The following KCNH5 variants were observed in gnomAD, a reference collection of about 807,000 sequenced individuals.
KCNH5 encodes potassium voltage-gated channel subfamily H member 5.
Under a neutral mutation model 96.1 loss-of-function variants are expected in KCNH5, and 46 were observed. That is an observed-to-expected ratio of 0.48 (90% CI 0.38 to 0.61). The LOEUF (loss-of-function observed/expected upper bound fraction) is 0.61, where lower values mean the gene tolerates loss of function less well. Ranked by LOEUF, KCNH5 falls within the 20% of genes least tolerant of loss-of-function variation. The pLI, the probability that KCNH5 is intolerant of heterozygous loss-of-function variation, is 0.00. For synonymous variants in KCNH5, 439 were observed against 449.8 expected (o/e 0.98, Z 0.30); for missense variants, 907 against 1,225.8 (o/e 0.74, Z 3.88).
intron 7 of KCNH5, among the ~76,000 whole-genome samples, chr14:62,850,669 T>C (rs576194385): frequency 6.6e-6 from 1 of 152,262 alleles, no homozygotes; most frequent in East Asian, 1.9e-4. Context: ...AGGCTATTAA[T>C]GCTGACAGGA....
chr14:62,853,734 G>C (rs1269699431), intron 7 of KCNH5, among the ~76,000 whole-genome samples: 1 of 151,584 alleles, frequency 6.6e-6, no homozygotes, highest in Non-Finnish European at 1.5e-5. Flanking sequence ...CATCGGCTGG[G>C]TGCAGTGGCT....
At position 63,004,993 on chromosome 14, in the gene KCNH5, C is replaced by T. The variant is rs550307957; in HGVS notation, c.304+1373G>A. Among the ~76,000 whole-genome samples, 3 of 152,286 alleles carry T rather than the reference C, an allele frequency of 2.0e-5. No homozygotes were observed. The South Asian group carries it at 6.2e-4, about 32-fold the overall frequency. On this transcript the variant is annotated intron_variant, in intron 3 of 10. Transcript: ENST00000322893. ...CATATCTAAATTATTGAAGGCTTAACAAACCATAGGAAAATGAAGGATTTT... is the reference window on the plus strand; with the variant it reads ...CATATCTAAATTATTGAAGGCTTAATAAACCATAGGAAAATGAAGGATTTT...
intron 7 of KCNH5, among the ~76,000 whole-genome samples, chr14:62,945,302 C>G (rs1234931844): frequency 6.6e-6 from 1 of 152,012 alleles, no homozygotes; most frequent in African/African-American, 2.4e-5. Flanking sequence ...GACTACACCC[C>G]CAAAGGAAGA....
At chr14:62,744,474 C>A (rs1885334878) in intron 10 of KCNH5, among the ~76,000 whole-genome samples, 1 of 152,218 alleles carries the variant, frequency 6.6e-6, no homozygotes, top group Non-Finnish European at 1.5e-5. Flanking sequence ...TTAAGAGTTA[C>A]TTCCATCATA....
intron 7 of KCNH5, among the ~76,000 whole-genome samples, chr14:62,918,504 T>C (rs17100522): frequency 0.052 from 7,931 of 152,192 alleles, 679 homozygotes; most frequent in African/African-American, 0.18. Context: ...ATCGCTAATA[T>C]GTTTTTTAAA....
At chr14:62,910,662 T>G (rs1889131193) in intron 7 of KCNH5, among the ~76,000 whole-genome samples, 2 of 152,250 alleles carry the variant, frequency 1.3e-5, no homozygotes, top group Admixed American at 1.3e-4. Context: ...ATTCAAGATC[T>G]TTATGGAGAA....
chr14:63,013,704 C>G (rs1891271699), intron 2 of KCNH5, among the ~76,000 whole-genome samples: 1 of 151,848 alleles, frequency 6.6e-6, no homozygotes, highest in Admixed American at 6.6e-5. Context: ...TTATAAACTG[C>G]TTGGGGGGTG....
At position 63,006,469 on chromosome 14, in the gene KCNH5, A is replaced by G; in HGVS notation, c.201T>C (p.Phe67=). ...TCTTGTCAGTCAATTCCCCATACAT[A>G]AAACTGGGGGGGAAAAAAAACAAAC... is the stretch of plus-strand genomic sequence containing the variant. The part of the protein sequence containing the change: ...DVMQKSSTCS[F]MYGELTDKKT... Residue 67 remains phenylalanine, a synonymous_variant, in exon 3 of 11, where the codon TTT becomes TTC. Coordinates refer to ENST00000322893, the MANE Select transcript of KCNH5 (RefSeq NM_139318.5). 1 of 1,583,600 alleles carries G rather than the reference A, an allele frequency of 6.3e-7. No individual in the cohort carries two copies. Among genetic ancestry groups the G allele is most frequent in the Non-Finnish European group, 8.7e-7 (1 of 1,155,898 alleles).
intron 8 of KCNH5, among the ~76,000 whole-genome samples, chr14:62,814,539 G>A (rs1886934887): frequency 6.6e-6 from 1 of 151,976 alleles, no homozygotes. Flanking sequence ...CCCATGACAA[G>A]TGATGTTCCC....
At chr14:62,926,970 A>G (rs534870265) in intron 7 of KCNH5, among the ~76,000 whole-genome samples, 1 of 152,250 alleles carries the variant, frequency 6.6e-6, no homozygotes, top group Admixed American at 6.5e-5. Context: ...TAACGAGCAG[A>G]ATGTGGATTA....
chr14:62,815,070 C>T (rs35867650), intron 8 of KCNH5, among the ~76,000 whole-genome samples: 47,717 of 151,902 alleles, frequency 0.31, 8,544 homozygotes, highest in South Asian at 0.55. Context: ...TACATTGTGG[C>T]ACAGTCACAT....
chr14:62,995,209 T>C (rs1381067039), intron 4 of KCNH5, among the ~76,000 whole-genome samples: 1 of 152,084 alleles, frequency 6.6e-6, no homozygotes, highest in Non-Finnish European at 1.5e-5. Context: ...CCAGTCAATT[T>C]TGGCAAATCC....
intron 10 of KCNH5, among the ~76,000 whole-genome samples, chr14:62,740,905 C>G (rs904625969): frequency 2.0e-5 from 3 of 152,282 alleles, no homozygotes; most frequent in Middle Eastern, 3.4e-3. Context: ...AAGCTTCTAA[C>G]AGTTTCATTT....
intron 8 of KCNH5, among the ~76,000 whole-genome samples, chr14:62,841,820 C>T (rs1887591131): frequency 6.6e-6 from 1 of 152,352 alleles, no homozygotes; most frequent in East Asian, 1.9e-4. Context: ...AACTCCAATA[C>T]AGATGTGAAC....
chr14:62,882,687 G>A (rs567274450), intron 7 of KCNH5, among the ~76,000 whole-genome samples: 1 of 152,216 alleles, frequency 6.6e-6, no homozygotes, highest in African/African-American at 2.4e-5. Flanking sequence ...CTTTTTTAAT[G>A]TAGTTTACTA....
intron 5 of KCNH5, among the ~76,000 whole-genome samples, chr14:62,986,716 C>A (rs1024988263): frequency 6.6e-6 from 1 of 152,116 alleles, no homozygotes; most frequent in African/African-American, 2.4e-5. Flanking sequence ...GATGACAGGG[C>A]CCATTTCTTA....
At position 62,705,616 on chromosome 14, in the gene KCNH5, G is replaced by C. The variant is rs1884415213; in HGVS notation, c.*1892C>G. On this transcript the variant is annotated 3_prime_UTR_variant, in exon 11 of 11. Coordinates refer to ENST00000322893, the MANE Select transcript of KCNH5 (RefSeq NM_139318.5). ...ATACGCATAAAGAAAGGAAAATGGAGCCCATGGCTCATATGTTTTGAGACT... is the reference window on the plus strand; with the variant it reads ...ATACGCATAAAGAAAGGAAAATGGACCCCATGGCTCATATGTTTTGAGACT... 1 of 151,956 alleles carries C rather than the reference G, an allele frequency of 6.6e-6. No homozygotes were observed. The highest frequency in any genetic ancestry group is 1.5e-5 in the Non-Finnish European group (1 of 67,876). The allele number at this position is 151,956 out of a possible 1,614,324, so 9.4% of individuals were successfully genotyped here. A position where few individuals can be genotyped will look rare whatever the true frequency, so the allele number is the denominator to read the frequency against.
chr14:62,887,767 A>T (rs1450699892), intron 7 of KCNH5, among the ~76,000 whole-genome samples: 1 of 151,900 alleles, frequency 6.6e-6, no homozygotes. Flanking sequence ...GTTTGCCCAT[A>T]CCCTGAAATT....
chr14:62,854,029 A>T (rs1021674718), intron 7 of KCNH5, among the ~76,000 whole-genome samples: 1 of 148,918 alleles, frequency 6.7e-6, no homozygotes, highest in African/African-American at 2.5e-5. Context: ...CAAAAAAAAC[A>T]AAAAAAACAA....
Sources: allele counts gnomAD v4.1 joint callset (sites outside exome capture counted in the v4.1 genomes callset), GRCh38; gene constraint gnomAD v4.1.1; transcripts MANE v1.5; gene names NCBI Gene and HGNC (gene_info 2026-07-23, HGNC 2026-07-21).